NRXN1: variants seen among roughly 807,000 people sequenced by gnomAD.
The protein encoded by NRXN1 is neurexin-1.
In NRXN1, 39 loss-of-function variants were observed where a neutral mutation model predicts 150.9. The observed-to-expected ratio is 0.26, with a 90% confidence interval of 0.20 to 0.34. The LOEUF (loss-of-function observed/expected upper bound fraction) is 0.34. Among genes scored for constraint, NRXN1 ranks in the 10% least tolerant of loss-of-function variants. The pLI is 1.00. For synonymous variants in NRXN1, 924 were observed against 757.0 expected (o/e 1.22, Z -3.62); for missense variants, 1,815 against 1,949.9 (o/e 0.93, Z 1.30).
intron 17 of NRXN1, among the ~76,000 whole-genome samples, chr2:50,290,697 T>A (rs1475279834): frequency 6.6e-6 from 1 of 152,110 alleles, no homozygotes; most frequent in African/African-American, 2.4e-5. Context: ...GGGTTCCCAA[T>A]CACCTGTTGC....
At chr2:50,091,560 A>G in intron 18 of NRXN1, 66 bp from the exon 19 acceptor site, 4 of 1,519,126 alleles carry the variant, frequency 2.6e-6, no homozygotes, top group Non-Finnish European at 3.6e-6. Flanking sequence ...TAAAGATTAC[A>G]TACAAGGTAT....
intron 5 of NRXN1, among the ~76,000 whole-genome samples, chr2:50,749,739 A>G (rs1417211427): frequency 6.6e-6 from 1 of 152,084 alleles, no homozygotes; most frequent in Non-Finnish European, 1.5e-5. Context: ...AATATTTAAG[A>G]TCTGAAAATA....
chr2:50,970,714 T>TA (rs1180467321), intron 2 of NRXN1, among the ~76,000 whole-genome samples: 6 of 152,216 alleles, frequency 3.9e-5, no homozygotes, highest in Non-Finnish European at 8.8e-5. Context: ...TTGAAAAAGT[T>TA]AAACAGAGGG....
At chr2:50,340,896 G>A (rs765186346) in intron 17 of NRXN1, among the ~76,000 whole-genome samples, 1 of 152,156 alleles carries the variant, frequency 6.6e-6, no homozygotes, top group African/African-American at 2.4e-5. Context: ...TGTGGTGATG[G>A]TCAACAGTAA....
chr2:50,800,874 G>A (rs1430469275), intron 5 of NRXN1, among the ~76,000 whole-genome samples: 3 of 152,044 alleles, frequency 2.0e-5, no homozygotes, highest in Non-Finnish European at 4.4e-5. Context: ...AATAGCACTT[G>A]TTACAAAAAT....
intron 17 of NRXN1, among the ~76,000 whole-genome samples, chr2:50,340,274 G>A (rs1288566743): frequency 6.6e-6 from 1 of 152,138 alleles, no homozygotes; most frequent in Admixed American, 6.5e-5. Flanking sequence ...GATCAACACT[G>A]AACAATCTTG....
chr2:50,020,840 C>T (rs1687455837), intron 21 of NRXN1, among the ~76,000 whole-genome samples: 1 of 152,154 alleles, frequency 6.6e-6, no homozygotes, highest in Non-Finnish European at 1.5e-5. Context: ...TATTAAATCT[C>T]TACCAAAATC....
intron 18 of NRXN1, among the ~76,000 whole-genome samples, chr2:50,097,757 A>G (rs575793509): frequency 6.6e-6 from 1 of 151,930 alleles, no homozygotes; most frequent in East Asian, 1.9e-4. Flanking sequence ...CTCCTGCCTC[A>G]GCCTCCGAAG....
chr2:50,202,754 T>C (rs2062272211), intron 18 of NRXN1, among the ~76,000 whole-genome samples: 1 of 152,108 alleles, frequency 6.6e-6, no homozygotes, highest in African/African-American at 2.4e-5. Flanking sequence ...GCTTCAACAT[T>C]TATAGTAAAA....
chr2:50,136,460 T>C (rs1359543170), intron 18 of NRXN1, among the ~76,000 whole-genome samples: 1 of 152,198 alleles, frequency 6.6e-6, no homozygotes, highest in African/African-American at 2.4e-5. Flanking sequence ...TTGTACTTCA[T>C]TTAATATTGT....
At chr2:50,424,110 AAAG>A (rs977303686) in intron 17 of NRXN1, among the ~76,000 whole-genome samples, 3 of 137,804 alleles carry the variant, frequency 2.2e-5, no homozygotes, top group African/African-American at 5.4e-5. Flanking sequence ...CTTACATGAG[AAAG>A]AAGAAGAAGG....
intron 16 of NRXN1, among the ~76,000 whole-genome samples, chr2:50,465,773 A>C (rs1374364162): frequency 6.6e-6 from 1 of 151,914 alleles, no homozygotes; most frequent in African/African-American, 2.4e-5. Flanking sequence ...ATACATTATA[A>C]TCATAAACTA....
At chr2:50,966,580 C>T (rs1694127655) in intron 2 of NRXN1, among the ~76,000 whole-genome samples, 1 of 151,686 alleles carries the variant, frequency 6.6e-6, no homozygotes, top group South Asian at 2.1e-4. Flanking sequence ...TCTACACTAC[C>T]TATTATATTA....
intron 17 of NRXN1, among the ~76,000 whole-genome samples, chr2:50,359,423 T>A (rs993015406): frequency 6.6e-6 from 1 of 151,276 alleles, no homozygotes; most frequent in Non-Finnish European, 1.5e-5. Context: ...AATGACCTGA[T>A]GGAGCTGAAA....
intron 11 of NRXN1, among the ~76,000 whole-genome samples, chr2:50,529,140 T>C (rs2093034110): frequency 1.3e-5 from 2 of 152,230 alleles, no homozygotes; most frequent in African/African-American, 4.8e-5. Context: ...AAATTATTCT[T>C]ATCTTACCCT....
At chr2:50,205,905 A>T (rs1362097715) in intron 18 of NRXN1, among the ~76,000 whole-genome samples, 1 of 152,052 alleles carries the variant, frequency 6.6e-6, no homozygotes. Flanking sequence ...AGAATTAGCA[A>T]AGGAATATGG....
intron 5 of NRXN1, among the ~76,000 whole-genome samples, chr2:50,722,895 T>C (rs761243698): frequency 7.2e-5 from 11 of 152,148 alleles, no homozygotes; most frequent in Non-Finnish European, 1.6e-4. Context: ...AGTGTTCTGA[T>C]ATCATGCCAG....
intron 17 of NRXN1, among the ~76,000 whole-genome samples, chr2:50,397,841 TA>T (rs1558661830): frequency 6.6e-6 from 1 of 152,116 alleles, no homozygotes; most frequent in East Asian, 1.9e-4. Context: ...GTAACAGAAT[TA>T]TTTCTGTATG....
intron 17 of NRXN1, among the ~76,000 whole-genome samples, chr2:50,343,870 G>A (rs531688658): frequency 1.3e-5 from 2 of 152,254 alleles, no homozygotes; most frequent in African/African-American, 4.8e-5. Flanking sequence ...AATGTCTTAC[G>A]ATTCACAGAA....
Sources: gnomAD v4.1 joint callset for allele counts (sites outside exome capture counted in the v4.1 genomes callset) on GRCh38, gnomAD v4.1.1 for gene constraint, MANE v1.5 for transcripts, NCBI Gene and HGNC (gene_info 2026-07-23, HGNC 2026-07-21) for gene names.